The following EXTL3 variants were observed in gnomAD, a reference collection of about 807,000 sequenced individuals.
EXTL3 encodes the protein exostosin like glycosyltransferase 3, also known as exostosin-like 3.
In EXTL3, 27 loss-of-function variants were observed where a neutral mutation model predicts 69.3. That is an observed-to-expected ratio of 0.39 (90% CI 0.29 to 0.54). The LOEUF (loss-of-function observed/expected upper bound fraction) is 0.54, where lower values mean the gene tolerates loss of function less well. EXTL3 is among the 20% of genes least tolerant of loss of function. The pLI, the probability that EXTL3 is intolerant of heterozygous loss-of-function variation, is 0.69. For missense variants in EXTL3, 1,003 were observed against 1,231.8 expected, an observed-to-expected ratio of 0.81 and a Z score of 2.78; for synonymous variants, 511 against 499.4, an observed-to-expected ratio of 1.02 and a Z score of -0.31.
chr8:28,635,170 C>G (rs572195623), intron 1 of EXTL3, among the ~76,000 whole-genome samples: 1 of 152,112 alleles, frequency 6.6e-6, no homozygotes, highest in East Asian at 1.9e-4. Flanking sequence ...CAAGGAAGGC[C>G]TAGGGTGGCA....
intron 3 of EXTL3, among the ~76,000 whole-genome samples, chr8:28,719,311 C>G (rs533743080): frequency 6.6e-6 from 1 of 152,286 alleles, no homozygotes; most frequent in South Asian, 2.1e-4. Flanking sequence ...GATAAGACAA[C>G]TAAGGATTCT....
In EXTL3 at chr8:28,717,219, A is replaced by G. The variant is rs1801175052; in HGVS notation, c.1160A>G (p.Gln387Arg). The G allele has an allele frequency of 1.2e-6, 2 of 1,614,246 alleles. No individual in the cohort carries two copies. Among genetic ancestry groups the G allele is most frequent in the Non-Finnish European group, 1.7e-6 (2 of 1,180,050 alleles). The change falls in exon 3 of 7, where the codon CAG becomes CGG. Residue 387 changes from glutamine (Q) to arginine (R), a missense_variant. Gln to Arg is a conservative substitution (Grantham distance 43). Coordinates refer to ENST00000220562, the MANE Select transcript of EXTL3 (RefSeq NM_001440.4). The surrounding 1 kb of genome is among the most constrained non-coding windows in gnomAD (Gnocchi z 8.3). Reference protein sequence around the residue: ...DRIIATLKAVQDSKLDQVLVE... With the variant: ...DRIIATLKAVRDSKLDQVLVE... Reference sequence around the variant, plus strand: ...ATCATTGCCACCCTGAAGGCGGTGCAGGACAGCAAGCTGGATCAGGTCCTG... The same window carrying G: ...ATCATTGCCACCCTGAAGGCGGTGCGGGACAGCAAGCTGGATCAGGTCCTG...
intron 1 of EXTL3, among the ~76,000 whole-genome samples, chr8:28,652,290 C>T (rs1312714730): frequency 6.6e-6 from 1 of 152,046 alleles, no homozygotes; most frequent in African/African-American, 2.4e-5. Flanking sequence ...GGTTGCGTCG[C>T]TACATTCCCA....
chr8:28,630,925 C>T (rs150708925), intron 1 of EXTL3, among the ~76,000 whole-genome samples: 4 of 152,284 alleles, frequency 2.6e-5, no homozygotes, highest in Non-Finnish European at 5.9e-5. Flanking sequence ...ATATAGGAGA[C>T]GCACAGTAGA....
At chr8:28,612,726 C>CT (rs528090214) in intron 2 of EXTL3, among the ~76,000 whole-genome samples, 5,327 of 146,934 alleles carry the variant, frequency 0.036, 261 homozygotes, top group African/African-American at 0.11. Flanking sequence ...CACAAATTGA[C>CT]TTTTTTTTTT....
Position 28,717,641 on chromosome 8 carries a change from A to T in EXTL3, c.1582A>T (p.Asn528Tyr). 1 of 1,614,152 alleles carries T rather than the reference A, an allele frequency of 6.2e-7. No homozygotes were observed. Among genetic ancestry groups the T allele is most frequent in the Non-Finnish European group, 8.5e-7 (1 of 1,180,014 alleles). Residue 528 changes from asparagine to tyrosine, a missense_variant, in exon 3 of 7, where the codon AAT (asparagine) becomes TAT (tyrosine). Physicochemically the swap from Asn to Tyr is moderately radical, Grantham distance 143. Coordinates refer to ENST00000220562, the MANE Select transcript of EXTL3 (RefSeq NM_001440.4). The surrounding 1 kb of genome is among the most constrained non-coding windows in gnomAD (Gnocchi z 8.3). Reference protein sequence around the residue: ...TYFSTADSIFNTVLAMIRTRI... With the variant: ...TYFSTADSIFYTVLAMIRTRI... ...CTTCTCCACTGCTGACAGTATTTTTAATACCGTGCTGGCTATGATTAGGAC... is the reference window on the plus strand; with the variant it reads ...CTTCTCCACTGCTGACAGTATTTTTTATACCGTGCTGGCTATGATTAGGAC...
intron 1 of EXTL3, among the ~76,000 whole-genome samples, chr8:28,639,405 C>T (rs948226236): frequency 1.3e-5 from 2 of 152,220 alleles, no homozygotes; most frequent in Non-Finnish European, 2.9e-5. Context: ...TTCTGCTGCT[C>T]TGCAGTCCGC....
At chr8:28,665,998 G>A (rs560680120) in intron 1 of EXTL3, among the ~76,000 whole-genome samples, 23 of 152,316 alleles carry the variant, frequency 1.5e-4, no homozygotes, top group Middle Eastern at 3.4e-3. Flanking sequence ...TCCTGGTGGC[G>A]TTTGAATCTG....
Position 28,717,633 on chromosome 8 carries a change from G to C in EXTL3, c.1574G>C (p.Ser525Thr), listed in dbSNP as rs891526676. Residue 525 changes from serine (S) to threonine (T), a missense_variant, in exon 3 of 7, where the codon AGT becomes ACT. This residue lies in a region of EXTL3 where 742 missense variants were observed against 815.4 expected (regional missense o/e 0.91). Coordinates refer to ENST00000220562, the MANE Select transcript of EXTL3 (RefSeq NM_001440.4). The surrounding 1 kb of genome is among the most constrained non-coding windows in gnomAD (Gnocchi z 8.3). ...GAGACTTACTTCTCCACTGCTGACA[G>C]TATTTTTAATACCGTGCTGGCTATG... Reference protein sequence around the residue: ...LWETYFSTADSIFNTVLAMIR... With the variant: ...LWETYFSTADTIFNTVLAMIR... 1.9e-6 allele frequency: 3 copies of C among 1,614,208 alleles called. No homozygotes were observed. Among genetic ancestry groups the C allele is most frequent in the Non-Finnish European group, 2.5e-6 (3 of 1,180,044 alleles).
intron 1 of EXTL3, among the ~76,000 whole-genome samples, chr8:28,644,140 C>A (rs915753352): frequency 6.6e-6 from 1 of 151,634 alleles, no homozygotes; most frequent in African/African-American, 2.4e-5. Context: ...TGAAATTATA[C>A]TATTTGCATA....
At chr8:28,642,238 G>C (rs1377748799) in intron 1 of EXTL3, among the ~76,000 whole-genome samples, 2 of 152,032 alleles carry the variant, frequency 1.3e-5, no homozygotes, top group Admixed American at 1.3e-4. Context: ...GAGTCCAGGA[G>C]TTCGAGACCA....
At chr8:28,730,936 C>T (rs1801521872) in intron 3 of EXTL3, among the ~76,000 whole-genome samples, 1 of 152,186 alleles carries the variant, frequency 6.6e-6, no homozygotes, top group Non-Finnish European at 1.5e-5. Flanking sequence ...TTTTTAATTT[C>T]CCTACATCGT....
intron 1 of EXTL3, among the ~76,000 whole-genome samples, chr8:28,628,094 C>T (rs1389460069): frequency 1.3e-5 from 2 of 152,178 alleles, no homozygotes; most frequent in African/African-American, 4.8e-5. Flanking sequence ...AGTGCATTGA[C>T]TCAACACCTG....
At chr8:28,630,759 C>T (rs868610915) in intron 1 of EXTL3, among the ~76,000 whole-genome samples, 2 of 152,140 alleles carry the variant, frequency 1.3e-5, no homozygotes, top group Admixed American at 6.5e-5. Context: ...CATTGAGAGG[C>T]TTATAACTGG....
intron 3 of EXTL3, among the ~76,000 whole-genome samples, chr8:28,725,177 T>G (rs1208106629): frequency 6.6e-6 from 1 of 152,208 alleles, no homozygotes; most frequent in Non-Finnish European, 1.5e-5. Flanking sequence ...GGGCCGGATG[T>G]AATCTGAAAA....
At chr8:28,719,180 C>G (rs1057081694) in intron 3 of EXTL3, among the ~76,000 whole-genome samples, 1 of 152,196 alleles carries the variant, frequency 6.6e-6, no homozygotes, top group Non-Finnish European at 1.5e-5. Context: ...AATTATTTTT[C>G]TAAGCAGCAG....
intron 3 of EXTL3, among the ~76,000 whole-genome samples, chr8:28,719,316 G>C (rs140643513): frequency 1.3e-5 from 2 of 152,302 alleles, no homozygotes; most frequent in East Asian, 3.9e-4. Flanking sequence ...GACAACTAAG[G>C]ATTCTAGAAA....
intron 1 of EXTL3, among the ~76,000 whole-genome samples, chr8:28,649,937 C>T (rs1247543686): frequency 1.3e-5 from 2 of 151,988 alleles, no homozygotes; most frequent in Non-Finnish European, 2.9e-5. Context: ...TGGGTCACAC[C>T]TGTAATTCCA....
upstream of EXTL3, among the ~76,000 whole-genome samples, chr8:28,699,123 C>CGCACTACT (rs1191691336): frequency 2.0e-5 from 3 of 152,226 alleles, no homozygotes; most frequent in East Asian, 3.9e-4. Flanking sequence ...GAGCCGTGAT[C>CGCACTACT]GCACTACTGC....
Sources: allele counts gnomAD v4.1 joint callset (sites outside exome capture counted in the v4.1 genomes callset), GRCh38; gene constraint gnomAD v4.1.1; regional missense constraint gnomAD v4.1.1; non-coding constraint Gnocchi (gnomAD v3.1); transcripts MANE v1.5; gene names NCBI Gene and HGNC (gene_info 2026-07-23, HGNC 2026-07-21).